The following ADAM17 variants were observed in gnomAD, a reference collection of about 807,000 sequenced individuals.
ADAM17 encodes ADAM metallopeptidase domain 17.
In ADAM17, 39 loss-of-function variants were observed where a neutral mutation model predicts 96.7. The ratio of observed to expected loss-of-function variants is 0.40; its 90% CI spans 0.31 to 0.53. ADAM17 has a LOEUF of 0.53. Among genes scored for constraint, ADAM17 ranks in the 20% least tolerant of loss-of-function variants. The pLI is 0.44. For synonymous variants in ADAM17, 344 were observed against 359.2 expected, an observed-to-expected ratio of 0.96 and a Z score of 0.48; for missense variants, 777 against 1,013.2, an observed-to-expected ratio of 0.77 and a Z score of 3.17.
At chr2:9,535,660 T>A (rs1028341378) in intron 4 of ADAM17, among the ~76,000 whole-genome samples, 174 bp downstream of exon 4, 2 of 152,254 alleles carry the variant, frequency 1.3e-5, no homozygotes, top group African/African-American at 4.8e-5. Flanking sequence ...GGGTGTATCA[T>A]AACACAGCTT....
Position 9,505,211 on chromosome 2 carries a change from GT to G in ADAM17, c.1498del (p.Thr500ProfsTer9). ...CAACGTGCAGTCGCTGTTGCAGCAG[GT>G]GTCGTTGTTCAGATACATGATGCCA... is the stretch of plus-strand genomic sequence containing the variant. The part of the protein sequence containing the change: ...DPGIMYLNND[T>X]CCNSDCTLKE... On this transcript the variant is annotated frameshift_variant, in exon 12 of 19. Coordinates refer to ENST00000310823, the MANE Select transcript of ADAM17 (RefSeq NM_003183.6). LOFTEE classifies it high-confidence loss of function. 6.2e-7 allele frequency: 1 copy of G among 1,614,132 alleles called. No homozygotes were observed. The highest frequency in any genetic ancestry group is 8.5e-7 in the Non-Finnish European group (1 of 1,180,022).
At chr2:9,528,396 G>C (rs1332033759) in intron 4 of ADAM17, among the ~76,000 whole-genome samples, 1 of 152,134 alleles carries the variant, frequency 6.6e-6, no homozygotes, top group Non-Finnish European at 1.5e-5. Context: ...TTAGGTGTTT[G>C]ACACCTTTTT....
intron 1 of ADAM17, among the ~76,000 whole-genome samples, chr2:9,551,914 T>A (rs748812782): frequency 6.6e-6 from 1 of 152,172 alleles, no homozygotes; most frequent in Non-Finnish European, 1.5e-5. Context: ...CATGCTACAA[T>A]AAGTAATCGT....
intron 11 of ADAM17, among the ~76,000 whole-genome samples, chr2:9,506,483 C>T (rs1299879970): frequency 1.3e-5 from 2 of 150,084 alleles, no homozygotes; most frequent in African/African-American, 4.9e-5. Flanking sequence ...TCTTCTGCCT[C>T]AGCCTCCTGA....
At chr2:9,517,848 G>T (rs1664132815) in intron 10 of ADAM17, 53 bp downstream of exon 10, 2 of 1,211,188 alleles carry the variant, frequency 1.7e-6, no homozygotes, top group African/African-American at 1.6e-5. Context: ...ATATAACTGA[G>T]GTTCTACTAC....
chr2:9,527,829 T>C lies in ADAM17; in HGVS notation c.576A>G (p.Glu192=). 1 of 1,604,540 alleles carries C rather than the reference T, an allele frequency of 6.2e-7. No homozygotes were observed. Among genetic ancestry groups the C allele is most frequent in the Non-Finnish European group, 8.5e-7 (1 of 1,176,486 alleles). ...CTACTAACCCTTTTGGGAGCAACTC[T>C]TCATTATCCACTTTTAAATAACCAC... ...KVCGYLKVDN[E]ELLPKGLVDR... is the part of the protein sequence containing the mutation. The change falls in exon 5 of 19, where the codon GAA becomes GAG. Residue 192 remains glutamate (E), a synonymous_variant. Transcript: ENST00000310823.
chr2:9,553,109 G>C (rs1218444014), intron 1 of ADAM17, among the ~76,000 whole-genome samples: 1 of 151,964 alleles, frequency 6.6e-6, no homozygotes, highest in Non-Finnish European at 1.5e-5. Flanking sequence ...ATACCCACAA[G>C]GCCTATGTTC....
chr2:9,491,578 G>A (rs186377855), intron 17 of ADAM17, among the ~76,000 whole-genome samples: 38 of 130,568 alleles, frequency 2.9e-4, no homozygotes, highest in Non-Finnish European at 5.6e-4. Context: ...GCACTGCCCC[G>A]GCCCATGGCC....
chr2:9,498,437 C>A (rs550138524), intron 13 of ADAM17, among the ~76,000 whole-genome samples: 94 of 152,206 alleles, frequency 6.2e-4, no homozygotes, highest in African/African-American at 2.2e-3. Context: ...TAAAAGTCAA[C>A]ACAAATAGAG....
At chr2:9,516,729 G>T (rs1664078047) in intron 10 of ADAM17, among the ~76,000 whole-genome samples, 2 of 151,694 alleles carry the variant, frequency 1.3e-5, no homozygotes, top group South Asian at 4.2e-4. Flanking sequence ...CTCCAGACTG[G>T]GCCACAGAGC....
At chr2:9,504,274 G>A (rs941028496) in intron 12 of ADAM17, among the ~76,000 whole-genome samples, 6 of 151,488 alleles carry the variant, frequency 4.0e-5, no homozygotes, top group African/African-American at 1.5e-4. Flanking sequence ...CTAAAACTCC[G>A]TCTCTACTAA....
intron 11 of ADAM17, among the ~76,000 whole-genome samples, chr2:9,506,452 C>T (rs368439088): frequency 6.1e-4 from 91 of 150,308 alleles, no homozygotes; most frequent in Middle Eastern, 3.5e-3. Flanking sequence ...TTGTAACCTC[C>T]GCCTCCCGGG....
Position 9,490,506 on chromosome 2 carries a change from G to C in ADAM17, c.2146C>G (p.Leu716Val). 6.2e-7 allele frequency: 1 copy of C among 1,611,210 alleles called. No individual in the cohort carries two copies. Among genetic ancestry groups the C allele is most frequent in the Non-Finnish European group, 8.5e-7 (1 of 1,177,758 alleles). ...SLFHPSNVEM[L>V]SSMDSASVRI... ...ACCGATGCAGAATCCATGCTGCTCA[G>C]CATTTCGACGTTCTGCAAAGACATG... The change falls in exon 19 of 19, where the codon CTG (leucine) becomes GTG (valine). Residue 716 changes from leucine (L) to valine (V), a missense_variant. Physicochemically the swap from Leu to Val is conservative, Grantham distance 32 (BLOSUM62 1). Transcript: ENST00000310823.
At chr2:9,493,010 A>T in intron 16 of ADAM17, 24 bp from the exon 17 acceptor site, 1 of 1,573,598 alleles carries the variant, frequency 6.4e-7, no homozygotes, top group Non-Finnish European at 8.7e-7. Context: ...CAAACAGTTA[A>T]TGTCTTGACC....
chr2:9,530,512 T>C (rs745587570), intron 4 of ADAM17, among the ~76,000 whole-genome samples: 1 of 152,168 alleles, frequency 6.6e-6, no homozygotes, highest in African/African-American at 2.4e-5. Flanking sequence ...TTGTTATTAA[T>C]AAAAGCTAAG....
At chr2:9,490,821 G>A (rs1170368959) in intron 18 of ADAM17, among the ~76,000 whole-genome samples, 4 of 152,206 alleles carry the variant, frequency 2.6e-5, no homozygotes, top group Non-Finnish European at 5.9e-5. Context: ...GATCCCAAGA[G>A]AGAAATTGAA....
intron 18 of ADAM17, 36 bp downstream of exon 18, chr2:9,491,065 G>C (rs776074945): frequency 5.0e-6 from 8 of 1,595,564 alleles, no homozygotes; most frequent in Non-Finnish European, 6.0e-6. Flanking sequence ...CCTCAGACCA[G>C]GCGAAGATTA....
intron 4 of ADAM17, among the ~76,000 whole-genome samples, chr2:9,533,755 T>C (rs1664844430): frequency 6.6e-6 from 1 of 152,200 alleles, no homozygotes; most frequent in African/African-American, 2.4e-5. Context: ...CTTAATATCC[T>C]GTATAATTCT....
chr2:9,538,859 T>C (rs1235334317), intron 2 of ADAM17, among the ~76,000 whole-genome samples: 4 of 152,220 alleles, frequency 2.6e-5, no homozygotes, highest in Non-Finnish European at 5.9e-5. Flanking sequence ...CTTAAGAATT[T>C]ACAGTAACTA....
Sources: gnomAD v4.1 joint callset for allele counts (sites outside exome capture counted in the v4.1 genomes callset) on GRCh38, gnomAD v4.1.1 for gene constraint, MANE v1.5 for transcripts, NCBI Gene and HGNC (gene_info 2026-07-23, HGNC 2026-07-21) for gene names.